The following GABRP variants were observed in gnomAD, a reference collection of about 807,000 sequenced individuals.
The protein encoded by GABRP is gamma-aminobutyric acid type A receptor subunit pi.
A neutral mutation model predicts 47.8 loss-of-function variants in GABRP; 52 were observed. The ratio of observed to expected loss-of-function variants is 1.09; its 90% CI spans 0.87 to 1.37. GABRP has a LOEUF of 1.37. Among genes scored for constraint, GABRP ranks in the 40% most tolerant of loss-of-function variants. GABRP has a pLI of 0.00. For missense variants in GABRP, 525 were observed against 542.8 expected, an observed-to-expected ratio of 0.97 and a Z score of 0.33; for synonymous variants, 221 against 205.8, an observed-to-expected ratio of 1.07 and a Z score of -0.63.
intron 3 of GABRP, among the ~76,000 whole-genome samples, chr5:170,793,629 C>T (rs147263014): frequency 3.9e-5 from 6 of 152,272 alleles, no homozygotes; most frequent in East Asian, 3.9e-4. Context: ...AACATCTGTG[C>T]GCAATCAGAT....
At position 170,808,725 on chromosome 5, in the gene GABRP, G is replaced by A. The variant is rs139800251; in HGVS notation, c.805G>A (p.Asp269Asn). The A allele has an allele frequency of 6.7e-5, 108 of 1,613,950 alleles. 1 individual carries two copies. Among genetic ancestry groups the A allele is most frequent in the East Asian group, 5.8e-4 (26 of 44,890 alleles). The change falls in exon 8 of 10, where the codon GAT becomes AAT. Residue 269 changes from aspartate to asparagine, a missense_variant. Asp to Asn is a conservative substitution (Grantham distance 23). Coordinates refer to ENST00000265294, the MANE Select transcript of GABRP (RefSeq NM_014211.3). ...CTGGGTTTCATTTTGGATCTCTCTCGATTCAGTCCCTGCAAGAACCTGCAT... is the reference window on the plus strand; with the variant it reads ...CTGGGTTTCATTTTGGATCTCTCTCAATTCAGTCCCTGCAAGAACCTGCAT... ...LSWVSFWISL[D>N]SVPARTCIGV...
chr5:170,786,664 C>G (rs930875616), intron 1 of GABRP, among the ~76,000 whole-genome samples: 2 of 152,136 alleles, frequency 1.3e-5, no homozygotes, highest in Non-Finnish European at 2.9e-5. Flanking sequence ...GGAAATATTC[C>G]TTATCCTCTC....
Position 170,812,096 on chromosome 5 carries a change from C to T in GABRP, c.1161C>T (p.Thr387=), listed in dbSNP as rs1192287556. 2 of 1,614,088 alleles carry T rather than the reference C, an allele frequency of 1.2e-6. No homozygotes were observed. Among genetic ancestry groups the T allele is most frequent in the Non-Finnish European group, 1.7e-6 (2 of 1,180,024 alleles). Residue 387 remains threonine, a synonymous_variant, in exon 10 of 10, where the codon ACC becomes ACT. Coordinates refer to ENST00000265294, the MANE Select transcript of GABRP (RefSeq NM_014211.3). ...NVDYSDLTMK[T]SDKFKFVFRE... ...ACTACAGTGACTTGACAATGAAAAC[C>T]AGCGACAAGTTCAAGTTTGTCTTCC...
At chr5:170,806,708 C>T (rs1398110103) in intron 7 of GABRP, among the ~76,000 whole-genome samples, 1 of 152,116 alleles carries the variant, frequency 6.6e-6, no homozygotes, top group African/African-American at 2.4e-5. Context: ...TCCCAAAGTG[C>T]TGGAATTACA....
At chr5:170,794,970 C>T (rs896289586) in intron 4 of GABRP, among the ~76,000 whole-genome samples, 31 of 148,828 alleles carry the variant, frequency 2.1e-4, no homozygotes, top group Non-Finnish European at 6.0e-5. Context: ...GATTTGTTCT[C>T]TTATTGCAAT....
chr5:170,786,754 G>T (rs1216476895), intron 1 of GABRP, among the ~76,000 whole-genome samples: 1 of 152,110 alleles, frequency 6.6e-6, no homozygotes, highest in Non-Finnish European at 1.5e-5. Flanking sequence ...CTAGATATGC[G>T]TGGCACAGTT....
At chr5:170,788,774 C>G (rs11958810) in intron 2 of GABRP, 106 bp downstream of exon 2, 1 of 1,039,436 alleles carries the variant, frequency 9.6e-7, no homozygotes, top group African/African-American at 1.6e-5. Context: ...AGGCAAAACC[C>G]GGTCCACTCA....
chr5:170,796,076 C>T (rs913796603), intron 5 of GABRP, among the ~76,000 whole-genome samples: 2 of 152,222 alleles, frequency 1.3e-5, no homozygotes, highest in African/African-American at 4.8e-5. Context: ...TCATCCCTGC[C>T]TGTGCAAGGA....
intron 6 of GABRP, among the ~76,000 whole-genome samples, chr5:170,803,752 G>GGTTA (rs1208899543): frequency 2.7e-5 from 3 of 109,444 alleles, no homozygotes; most frequent in Non-Finnish European, 6.1e-5. Context: ...GTGGTTGGTT[G>GGTTA]GTTGGTTGGT....
At chr5:170,808,029 T>G (rs1351748029) in intron 7 of GABRP, among the ~76,000 whole-genome samples, 4 of 152,214 alleles carry the variant, frequency 2.6e-5, no homozygotes, top group African/African-American at 9.7e-5. Context: ...TACAGTAGCC[T>G]ATTTACCACA....
At chr5:170,801,866 T>C (rs1581601397) in intron 6 of GABRP, among the ~76,000 whole-genome samples, 1 of 133,828 alleles carries the variant, frequency 7.5e-6, no homozygotes, top group African/African-American at 2.8e-5. Context: ...GGGGGGGGGG[T>C]CAGAGTTTTC....
chr5:170,797,726 A>G (rs1022492048), intron 6 of GABRP, among the ~76,000 whole-genome samples, 178 bp downstream of exon 6: 6 of 152,218 alleles, frequency 3.9e-5, no homozygotes, highest in Non-Finnish European at 8.8e-5. Flanking sequence ...GATATGCCTA[A>G]TATCTTTTGG....
rs1765396166 is a variant in GABRP at position 170,795,289 on chromosome 5, G to T, written c.322G>T (p.Asp108Tyr). ...VFEGNKSFTLDARLVEFLWVP... is the reference protein window; with the variant it reads ...VFEGNKSFTLYARLVEFLWVP... Reference sequence around the variant, plus strand: ...TGAAGGCAACAAGAGCTTCACTCTGGATGCCCGCCTCGTGGAGTTCCTCTG... The same window carrying T: ...TGAAGGCAACAAGAGCTTCACTCTGTATGCCCGCCTCGTGGAGTTCCTCTG... Residue 108 changes from aspartate to tyrosine, a missense_variant, in exon 5 of 10, where the codon GAT becomes TAT. Transcript: ENST00000265294. 1 of 1,613,882 alleles carries T rather than the reference G, an allele frequency of 6.2e-7. No individual in the cohort carries two copies. The highest frequency in any genetic ancestry group is 1.3e-5 in the African/African-American group (1 of 74,974).
In GABRP at chr5:170,810,757, GA is replaced by G. The variant is rs533427803; in HGVS notation, c.1020+1003del. On this transcript the variant is annotated intron_variant, in intron 9 of 9. Coordinates refer to ENST00000265294, the MANE Select transcript of GABRP (RefSeq NM_014211.3). The stretch of plus-strand genomic sequence containing the variant: ...GAATGAGGAATCAAAATGACCCAAA[GA>G]TCCAGTTGCTTTTTCCCTTGGGTTT... Among the ~76,000 whole-genome samples the G allele has an allele frequency of 9.9e-5, 15 of 152,116 alleles. No individual in the cohort carries two copies. The South Asian group carries it at 2.9e-3, about 30-fold the overall frequency.
At chr5:170,806,644 G>A (rs897309010) in intron 7 of GABRP, among the ~76,000 whole-genome samples, 1 of 152,132 alleles carries the variant, frequency 6.6e-6, no homozygotes, top group African/African-American at 2.4e-5. Flanking sequence ...GTTTCGCCAT[G>A]TTGGCCAGGC....
intron 3 of GABRP, among the ~76,000 whole-genome samples, chr5:170,789,552 C>T (rs941579337): frequency 6.6e-6 from 1 of 152,160 alleles, no homozygotes; most frequent in African/African-American, 2.4e-5. Flanking sequence ...AATGAATTCA[C>T]CATGCGCCAC....
chr5:170,796,831 T>C (rs1765442477), intron 5 of GABRP, among the ~76,000 whole-genome samples: 1 of 152,120 alleles, frequency 6.6e-6, no homozygotes, highest in African/African-American at 2.4e-5. Context: ...GGATGCTGAA[T>C]AAAAATGTAT....
chr5:170,798,331 G>A (rs989497594), intron 6 of GABRP, among the ~76,000 whole-genome samples: 7 of 152,244 alleles, frequency 4.6e-5, no homozygotes, highest in South Asian at 4.1e-4. Context: ...GTGAGCCACC[G>A]TGCCTGGCCT....
At chr5:170,811,351 G>A (rs1481175000) in intron 9 of GABRP, among the ~76,000 whole-genome samples, 1 of 151,440 alleles carries the variant, frequency 6.6e-6, no homozygotes, top group Non-Finnish European at 1.5e-5. Context: ...GTTGACCCCA[G>A]CCATGTTGGA....
Sources: gnomAD v4.1 joint callset for allele counts (sites outside exome capture counted in the v4.1 genomes callset) on GRCh38, gnomAD v4.1.1 for gene constraint, MANE v1.5 for transcripts, NCBI Gene and HGNC (gene_info 2026-07-23, HGNC 2026-07-21) for gene names.